Variants in CFAP47 observed in about 807,000 individuals in gnomAD.
CFAP47 encodes the protein cilia- and flagella-associated protein 47.
In CFAP47, 29 loss-of-function variants were observed where a neutral mutation model predicts 148.1. That is an observed-to-expected ratio of 0.20 (90% CI 0.15 to 0.27). The LOEUF is 0.27. CFAP47 is among the 10% of genes least tolerant of loss of function. CFAP47 has a pLI of 1.00. For synonymous variants in CFAP47, 664 were observed against 577.3 expected (o/e 1.15, Z -2.15); for missense variants, 1,872 against 1,697.5 (o/e 1.10, Z -1.81).
At chrX:36,102,103 G>A (rs1938386786) in intron 32 of CFAP47, among the ~76,000 whole-genome samples, 1 of 111,795 alleles carries the variant, frequency 8.9e-6, no homozygotes, top group South Asian at 3.7e-4. Context: ...ACTTTAAAGG[G>A]TGCTATTACA....
rs1942118677 is a variant in CFAP47, at chrX:36,385,287, G to A, written c.*281G>A. The A allele has an allele frequency of 4.2e-6, 1 of 236,225 alleles. No homozygotes were observed. The highest frequency in any genetic ancestry group is 7.5e-6 in the Non-Finnish European group (1 of 133,424). The allele number at this position is 236,225 out of a possible 1,213,427, so 19.5% of individuals were successfully genotyped here. ...AATGACAACAGTATTTCCAATAACA[G>A]CGTTGCTAATAAAGCTAAATGTCTC... is the stretch of plus-strand genomic sequence containing the variant. On this transcript the variant is annotated 3_prime_UTR_variant, in exon 64 of 64. Coordinates refer to ENST00000378653, the MANE Select transcript of CFAP47 (RefSeq NM_001304548.2).
At position 35,967,809 on chromosome X, in the gene CFAP47, T is replaced by C. The variant is rs373072629; in HGVS notation, c.1791T>C (p.Ser597=). 21 of 1,201,647 alleles carry C rather than the reference T, an allele frequency of 1.7e-5. No homozygotes were observed. In the African/African-American group the frequency reaches 3.4e-4, roughly 19 times the overall value. ...FPNDRAATIR[S]KDHHKHFRPI... Reference sequence around the variant, plus strand: ...ATGACCGAGCTGCAACTATCAGGTCTAAAGACCATCATAAACATTTCAGGT... The same window carrying C: ...ATGACCGAGCTGCAACTATCAGGTCCAAAGACCATCATAAACATTTCAGGT... The change falls in exon 10 of 64, where the codon TCT becomes TCC. Residue 597 remains serine, a synonymous_variant. Transcript: ENST00000378653.
chrX:36,144,504 G>A, intron 35 of CFAP47: 1 of 958,539 alleles, frequency 1.0e-6, no homozygotes, highest in Non-Finnish European at 1.3e-6. Context: ...TTAATATTAG[G>A]TGTCAACTTG....
At position 36,052,308 on chromosome X, in the gene CFAP47, A is replaced by G. The variant is rs758317613; in HGVS notation, c.4217+5245A>G. 1.8e-4 allele frequency among the ~76,000 whole-genome samples: 20 copies of G among 112,175 alleles called. 1 individual carries two copies. Among genetic ancestry groups the G allele is most frequent in the South Asian group, 7.4e-4 (2 of 2,710 alleles). ...AGTAGAATGATTGACCTTTTCTTAA[A>G]AATAACTAACCACATTCTTGCTTAA... On this transcript the variant is annotated intron_variant, in intron 26 of 63. Coordinates refer to ENST00000378653, the MANE Select transcript of CFAP47 (RefSeq NM_001304548.2).
At chrX:36,168,638 G>A (rs1246304016) in intron 39 of CFAP47, among the ~76,000 whole-genome samples, 1 of 111,175 alleles carries the variant, frequency 9.0e-6, no homozygotes, top group Non-Finnish European at 1.9e-5. Flanking sequence ...TATTGCCCAG[G>A]CAGGTCTCGA....
intron 39 of CFAP47, among the ~76,000 whole-genome samples, chrX:36,161,602 C>T (rs1939431056): frequency 9.0e-6 from 1 of 111,221 alleles, no homozygotes; most frequent in Non-Finnish European, 1.9e-5. Flanking sequence ...AAATGTACAC[C>T]ACGTTGAGGA....
In CFAP47 at chrX:35,926,172, T is replaced by C; in HGVS notation, c.401+4T>C. 1.7e-6 allele frequency: 2 copies of C among 1,179,631 alleles called. No individual in the cohort carries two copies. Among genetic ancestry groups the C allele is most frequent in the Non-Finnish European group, 2.3e-6 (2 of 869,612 alleles). ...CAACAGAAATTCCTCTAATTGGGTA[T>C]GTAATCTTCATAGTTCATGCTGACA... is the stretch of plus-strand genomic sequence containing the variant. On this transcript the variant is annotated splice_donor_region_variant and intron_variant, in intron 2 of 63. Coordinates refer to ENST00000378653, the MANE Select transcript of CFAP47 (RefSeq NM_001304548.2).
At chrX:36,324,137 C>T (rs1317994472) in intron 57 of CFAP47, among the ~76,000 whole-genome samples, 1 of 111,460 alleles carries the variant, frequency 9.0e-6, no homozygotes, top group Admixed American at 9.6e-5. Flanking sequence ...TAACCAAGAA[C>T]GACACAAGAG....
intron 2 of CFAP47, among the ~76,000 whole-genome samples, chrX:35,927,600 T>C (rs1473720153): frequency 9.3e-6 from 1 of 108,022 alleles, no homozygotes; most frequent in African/African-American, 3.5e-5. Flanking sequence ...AAGGAAGGTG[T>C]GTGTGTGTGT....
rs187052005 is a variant in CFAP47, at chrX:36,043,478, C to G, written c.4008-3376C>G. Among the ~76,000 whole-genome samples, 512 of 112,808 alleles carry G rather than the reference C, an allele frequency of 4.5e-3. 6 individuals carry two copies. Among genetic ancestry groups the G allele is most frequent in the Admixed American group, 0.015 (158 of 10,740 alleles). On this transcript the variant is annotated intron_variant, in intron 25 of 63. Coordinates refer to ENST00000378653, the MANE Select transcript of CFAP47 (RefSeq NM_001304548.2). ...AGGGTACAAGCACAGGGTAAATGTCCATATTCCAAATAGGAGAAATTGGCC... is the reference window on the plus strand; with the variant it reads ...AGGGTACAAGCACAGGGTAAATGTCGATATTCCAAATAGGAGAAATTGGCC...
intron 6 of CFAP47, 134 bp downstream of exon 6, chrX:35,952,097 G>A: frequency 1.7e-6 from 1 of 597,976 alleles, no homozygotes; most frequent in Non-Finnish European, 2.4e-6. Flanking sequence ...TCTTGTCATG[G>A]TTCTAGATGT....
chrX:35,999,665 T>C (rs1250479703), intron 19 of CFAP47, among the ~76,000 whole-genome samples: 3 of 112,244 alleles, frequency 2.7e-5, no homozygotes, highest in Non-Finnish European at 5.6e-5. Context: ...ATGTGTAATA[T>C]TTTATTAGGC....
chrX:35,936,847 C>A (rs1935921619), intron 2 of CFAP47, among the ~76,000 whole-genome samples: 1 of 109,460 alleles, frequency 9.1e-6, no homozygotes, highest in African/African-American at 3.3e-5. Flanking sequence ...TTTTCCCAGG[C>A]CTGGCTGCCA....
Position 35,956,066 on chromosome X carries a change from G to A in CFAP47, c.1280G>A (p.Gly427Asp). ...CTTAATTTTAAACCTTGTTTCATGGGTGAACGTTCAGAAATTCAGTGCATC... is the reference window on the plus strand; with the variant it reads ...CTTAATTTTAAACCTTGTTTCATGGATGAACGTTCAGAAATTCAGTGCATC... The part of the protein sequence containing the change: ...PVLNFKPCFM[G>D]ERSEIQCIIK... Residue 427 changes from glycine (G) to aspartate (D), a missense_variant, in exon 8 of 64, where the codon GGT becomes GAT. By Grantham distance (94) the Gly-to-Asp change is moderately conservative (BLOSUM62 -1). Coordinates refer to ENST00000378653, the MANE Select transcript of CFAP47 (RefSeq NM_001304548.2). The A allele has an allele frequency of 1.7e-6, 2 of 1,211,118 alleles. No individual in the cohort carries two copies. The highest frequency in any genetic ancestry group is 2.2e-6 in the Non-Finnish European group (2 of 895,090).
At chrX:35,994,847 T>C (rs1431334389) in intron 18 of CFAP47, among the ~76,000 whole-genome samples, 1 of 111,609 alleles carries the variant, frequency 9.0e-6, no homozygotes, top group African/African-American at 3.3e-5. Context: ...CATTATGCAC[T>C]AATCTCTTGT....
At chrX:36,349,998 T>C in intron 58 of CFAP47, 40 bp from the exon 59 acceptor site, 1 of 818,728 alleles carries the variant, frequency 1.2e-6, no homozygotes, top group Non-Finnish European at 1.7e-6. Context: ...ATATGGAGTT[T>C]CTCCTTTTGT....
intron 61 of CFAP47, among the ~76,000 whole-genome samples, chrX:36,364,249 C>T (rs1373887347): frequency 2.7e-5 from 3 of 110,742 alleles, no homozygotes; most frequent in South Asian, 7.5e-4. Context: ...TTCTCATTAA[C>T]TCAAAGAAGT....
intron 42 of CFAP47, 132 bp from the exon 43 acceptor site, chrX:36,200,247 T>G: frequency 3.6e-6 from 1 of 278,442 alleles, no homozygotes; most frequent in Non-Finnish European, 6.3e-6. Context: ...GTTTACCCAT[T>G]TATAGGCTGT....
intron 57 of CFAP47, among the ~76,000 whole-genome samples, chrX:36,324,200 A>T (rs73629600): frequency 0.011 from 1,225 of 112,052 alleles, 21 homozygotes; most frequent in African/African-American, 0.037. Flanking sequence ...TAATAAAGTT[A>T]TAGGACTTGC....
Sources: gnomAD v4.1 joint callset for allele counts (sites outside exome capture counted in the v4.1 genomes callset) on GRCh38, gnomAD v4.1.1 for gene constraint, MANE v1.5 for transcripts, NCBI Gene and HGNC (gene_info 2026-07-23, HGNC 2026-07-21) for gene names.